Variants in MAP7 observed in about 807,000 individuals in gnomAD.
MAP7 encodes ensconsin.
MAP7 carries 52 observed loss-of-function variants against 94.8 expected under a neutral mutation model. The ratio of observed to expected loss-of-function variants is 0.55; its 90% CI spans 0.44 to 0.69. The LOEUF is 0.69. MAP7 is among the 30% of genes least tolerant of loss of function. The probability of loss-of-function intolerance (pLI) is 0.00; values close to 1 mark genes in which losing one functional copy is unlikely to be tolerated. For synonymous variants in MAP7, 350 were observed against 357.0 expected (o/e 0.98, Z 0.22); for missense variants, 940 against 964.6 (o/e 0.97, Z 0.34).
intron 1 of MAP7, among the ~76,000 whole-genome samples, chr6:136,447,536 TAAA>T (rs1799712999): frequency 6.6e-6 from 1 of 152,234 alleles, no homozygotes; most frequent in Non-Finnish European, 1.5e-5. Flanking sequence ...GAGAGTATCA[TAAA>T]TTTTTTAAAA....
chr6:136,463,121 T>C (rs1485660246), intron 1 of MAP7, among the ~76,000 whole-genome samples: 1 of 152,278 alleles, frequency 6.6e-6, no homozygotes, highest in East Asian at 1.9e-4. Context: ...AGCATAGTTG[T>C]AGTCAATTAA....
intron 1 of MAP7, among the ~76,000 whole-genome samples, chr6:136,514,580 C>CAAAAAAA (rs1046225937): frequency 1.4e-4 from 7 of 49,042 alleles, no homozygotes; most frequent in Non-Finnish European, 2.6e-4. Context: ...GACTCTGTCT[C>CAAAAAAA]AAAAAAAAAA....
chr6:136,534,222 G>A (rs974355475), intron 1 of MAP7, among the ~76,000 whole-genome samples: 1 of 152,152 alleles, frequency 6.6e-6, no homozygotes, highest in Non-Finnish European at 1.5e-5. Flanking sequence ...AGGAATAATG[G>A]CTGCTGCCAC....
chr6:136,440,343 GAGACA>G (rs1554256310), intron 1 of MAP7, among the ~76,000 whole-genome samples: 43 of 152,128 alleles, frequency 2.8e-4, no homozygotes, highest in Non-Finnish European at 3.8e-4. Flanking sequence ...CGGGAACACA[GAGACA>G]GGTAAGGGAG....
chr6:136,389,474 C>A lies in MAP7; in HGVS notation c.288G>T (p.Arg96Ser), dbSNP rs140788014. Residue 96 changes from arginine to serine, a missense_variant, in exon 4 of 18, where the codon AGG becomes AGT. By Grantham distance (110) the Arg-to-Ser change is moderately radical. Transcript: ENST00000354570. ...CTTCCAGGTGCTTCTCGTAGTGCTG[C>A]CTGGCTCGCTCTTCTCTTTCTAACC... ...IVWLEREERA[R>S]QHYEKHLEER... 2 of 1,610,844 alleles carry A rather than the reference C, an allele frequency of 1.2e-6. No homozygotes were observed. Among genetic ancestry groups the A allele is most frequent in the African/African-American group, 1.3e-5 (1 of 74,494 alleles).
At chr6:136,435,762 G>A (rs905446016) in intron 1 of MAP7, among the ~76,000 whole-genome samples, 8 of 152,166 alleles carry the variant, frequency 5.3e-5, no homozygotes, top group Non-Finnish European at 1.2e-4. Flanking sequence ...TGAGGACAGG[G>A]TAGGGAGAAA....
At chr6:136,371,366 A>C (rs1276490181) in intron 8 of MAP7, among the ~76,000 whole-genome samples, 1 of 152,180 alleles carries the variant, frequency 6.6e-6, no homozygotes, top group South Asian at 2.1e-4. Context: ...GCTAAGGAGG[A>C]TCTCTGAAAC....
intron 11 of MAP7, 135 bp from the exon 12 acceptor site, chr6:136,361,314 ACTG>A (rs1177987574): frequency 2.3e-6 from 2 of 857,264 alleles, no homozygotes; most frequent in East Asian, 2.6e-5. Flanking sequence ...TGCCTTCACC[ACTG>A]CTAAGGGACA....
chr6:136,457,841 A>G (rs1803840512), intron 1 of MAP7, among the ~76,000 whole-genome samples: 1 of 152,214 alleles, frequency 6.6e-6, no homozygotes, highest in African/African-American at 2.4e-5. Context: ...CTCACAGCTG[A>G]CATCATCTCA....
chr6:136,528,150 T>C (rs1828159150), intron 1 of MAP7, among the ~76,000 whole-genome samples: 1 of 152,216 alleles, frequency 6.6e-6, no homozygotes, highest in Non-Finnish European at 1.5e-5. Flanking sequence ...TTAGACCATC[T>C]TCCTCCTAGT....
intron 1 of MAP7, among the ~76,000 whole-genome samples, chr6:136,453,358 T>A (rs139644902): frequency 1.3e-5 from 2 of 152,342 alleles, no homozygotes; most frequent in Admixed American, 1.3e-4. Flanking sequence ...ACATCCTATG[T>A]CATTAATTTA....
intron 3 of MAP7, among the ~76,000 whole-genome samples, chr6:136,395,360 C>G (rs764841857): frequency 5.6e-5 from 8 of 141,906 alleles, no homozygotes; most frequent in Non-Finnish European, 1.1e-4. Context: ...ATTTCTATGT[C>G]TTCTTTTGAG....
At chr6:136,480,666 A>AG (rs1812555170) in intron 1 of MAP7, among the ~76,000 whole-genome samples, 1 of 150,316 alleles carries the variant, frequency 6.7e-6, no homozygotes, top group Admixed American at 6.6e-5. Flanking sequence ...AAAAAAAAAA[A>AG]AAAGAAAAGA....
rs1162673403 is a variant in MAP7 at position 136,550,129 on chromosome 6, GGGCCGAGCCGGGCT to G, written c.67+199_67+212del. 2.0e-5 allele frequency among the ~76,000 whole-genome samples: 3 copies of G among 151,022 alleles called. No homozygotes were observed. The highest frequency in any genetic ancestry group is 2.4e-5 in the African/African-American group (1 of 41,364). On this transcript the variant is annotated intron_variant, in intron 1 of 17. Coordinates refer to ENST00000354570, the MANE Select transcript of MAP7 (RefSeq NM_003980.6). The surrounding 1 kb of genome is among the most constrained non-coding windows in gnomAD (Gnocchi z 5.1). ...CCGAGGGCGGCCGCAACCCCGGCCG[GGGCCGAGCCGGGCT>G]GGCCGAGCCGCGGCGGCGAAGGGCG...
intron 1 of MAP7, among the ~76,000 whole-genome samples, chr6:136,495,418 A>C (rs1817882081): frequency 6.6e-6 from 1 of 151,838 alleles, no homozygotes; most frequent in African/African-American, 2.4e-5. Context: ...TTAAATACAT[A>C]GGTTTATTTT....
chr6:136,501,692 A>G (rs1819871227), intron 1 of MAP7, among the ~76,000 whole-genome samples: 1 of 152,162 alleles, frequency 6.6e-6, no homozygotes, highest in South Asian at 2.1e-4. Flanking sequence ...AAGTTACGCA[A>G]TGATCAGACC....
In MAP7 at chr6:136,422,180, C is replaced by T. The variant is rs148266392; in HGVS notation, c.68-381G>A. 8.3e-3 allele frequency among the ~76,000 whole-genome samples: 1,262 copies of T among 152,314 alleles called. 5 individuals are homozygous for T. Among genetic ancestry groups the T allele is most frequent in the Middle Eastern group, 0.027 (8 of 294 alleles). On this transcript the variant is annotated intron_variant, in intron 1 of 17. Coordinates refer to ENST00000354570, the MANE Select transcript of MAP7 (RefSeq NM_003980.6). ...TTCAAATGTATTAATTTCTTTCTTG[C>T]TTTGGTATATTCAACATCATTTAAT...
chr6:136,477,841 G>A (rs1043591895), intron 1 of MAP7, among the ~76,000 whole-genome samples: 3 of 152,122 alleles, frequency 2.0e-5, no homozygotes, highest in Non-Finnish European at 4.4e-5. Flanking sequence ...TTCATCCTAT[G>A]GCTGCAGAAT....
rs1582667039 is a variant in MAP7, at chr6:136,360,927, A to G, written c.1701+78T>C. 5 of 1,547,104 alleles carry G rather than the reference A, an allele frequency of 3.2e-6. No homozygotes were observed. In the East Asian group the frequency reaches 6.7e-5, roughly 21 times the overall value. On this transcript the variant is annotated intron_variant, in intron 12 of 17. Coordinates refer to ENST00000354570, the MANE Select transcript of MAP7 (RefSeq NM_003980.6). The stretch of plus-strand genomic sequence containing the variant: ...TGGAAAGCGGGAGCACCAGCAGTCC[A>G]GTCCGCACCCTCCTCTGCTGGGCTG...
Sources: gnomAD v4.1 joint callset for allele counts (sites outside exome capture counted in the v4.1 genomes callset) on GRCh38, gnomAD v4.1.1 for gene constraint, Gnocchi (gnomAD v3.1) non-coding constraint, MANE v1.5 for transcripts, NCBI Gene and HGNC (gene_info 2026-07-23, HGNC 2026-07-21) for gene names.